The following FSTL5 variants were observed in gnomAD, a reference collection of about 807,000 sequenced individuals.
FSTL5 encodes the protein follistatin-related protein 5.
In FSTL5, 62 loss-of-function variants were observed where a neutral mutation model predicts 89.1. That is an observed-to-expected ratio of 0.70 (90% CI 0.57 to 0.86). The LOEUF is 0.86. FSTL5 is among the 40% of genes least tolerant of loss of function. The probability of loss-of-function intolerance (pLI) is 0.00; values close to 1 mark genes in which losing one functional copy is unlikely to be tolerated. For synonymous variants in FSTL5, 383 were observed against 346.2 expected (o/e 1.11, Z -1.18); for missense variants, 1,057 against 1,001.6 (o/e 1.06, Z -0.75).
At chr4:161,491,839 CAAA>C (rs11356806) in intron 12 of FSTL5, among the ~76,000 whole-genome samples, 20 of 122,768 alleles carry the variant, frequency 1.6e-4, no homozygotes, top group Admixed American at 3.1e-4. Flanking sequence ...GACTCTGTCT[CAAA>C]AAAAAAAAAA....
At chr4:161,807,720 C>T (rs1237599923) in intron 4 of FSTL5, among the ~76,000 whole-genome samples, 1 of 152,006 alleles carries the variant, frequency 6.6e-6, no homozygotes, top group African/African-American at 2.4e-5. Flanking sequence ...GCCCATAAGC[C>T]AAAGTTTACA....
At chr4:162,052,693 A>T (rs986671911) in intron 2 of FSTL5, among the ~76,000 whole-genome samples, 1 of 151,816 alleles carries the variant, frequency 6.6e-6, no homozygotes, top group African/African-American at 2.4e-5. Flanking sequence ...CCAAGAATAC[A>T]GTGCTGAGTG....
At chr4:161,643,468 G>A (rs553810794) in intron 7 of FSTL5, among the ~76,000 whole-genome samples, 14 of 137,864 alleles carry the variant, frequency 1.0e-4, no homozygotes, top group African/African-American at 2.7e-4. Context: ...TAAATGTAAC[G>A]GAGTTTTTTT....
At chr4:161,598,622 T>C (rs1734119904) in intron 7 of FSTL5, among the ~76,000 whole-genome samples, 1 of 152,166 alleles carries the variant, frequency 6.6e-6, no homozygotes, top group African/African-American at 2.4e-5. Context: ...CTCTCCCTTC[T>C]TTCTCTGTCC....
intron 4 of FSTL5, among the ~76,000 whole-genome samples, chr4:161,801,861 T>C (rs1040116488): frequency 2.0e-5 from 3 of 151,624 alleles, no homozygotes; most frequent in South Asian, 4.1e-4. Flanking sequence ...GTTGTGTCTC[T>C]ATTACTACTA....
intron 1 of FSTL5, among the ~76,000 whole-genome samples, chr4:162,116,728 G>T (rs1731657179): frequency 6.6e-6 from 1 of 152,176 alleles, no homozygotes; most frequent in Non-Finnish European, 1.5e-5. Context: ...ATGCAGGAAG[G>T]TGCAAGGGAA....
chr4:161,421,603 G>T (rs192719694), intron 15 of FSTL5, among the ~76,000 whole-genome samples: 1 of 152,282 alleles, frequency 6.6e-6, no homozygotes, highest in Non-Finnish European at 1.5e-5. Context: ...AGGATCCCCA[G>T]ATAGCTGATT....
intron 15 of FSTL5, among the ~76,000 whole-genome samples, chr4:161,413,978 A>G (rs1731687798): frequency 6.6e-6 from 1 of 152,198 alleles, no homozygotes; most frequent in African/African-American, 2.4e-5. Context: ...TGCTAGCTAC[A>G]GGTGACAGGA....
chr4:161,559,710 AATAT>A (rs1045021049), intron 8 of FSTL5, among the ~76,000 whole-genome samples: 1 of 151,880 alleles, frequency 6.6e-6, no homozygotes, highest in Admixed American at 6.6e-5. Context: ...AATTATGCAT[AATAT>A]ATATATCATA....
At chr4:161,650,213 C>T (rs1736289421) in intron 7 of FSTL5, among the ~76,000 whole-genome samples, 2 of 152,144 alleles carry the variant, frequency 1.3e-5, no homozygotes, top group Admixed American at 6.5e-5. Context: ...ATAAAATTCA[C>T]ATGATATCTT....
intron 3 of FSTL5, among the ~76,000 whole-genome samples, chr4:161,969,394 G>A (rs1314897330): frequency 3.9e-5 from 6 of 152,074 alleles, no homozygotes; most frequent in Non-Finnish European, 7.4e-5. Context: ...AGACAATATA[G>A]GCGAGAGCAG....
chr4:161,410,415 G>A (rs1187530157), intron 15 of FSTL5, among the ~76,000 whole-genome samples: 1 of 152,166 alleles, frequency 6.6e-6, no homozygotes, highest in Non-Finnish European at 1.5e-5. Flanking sequence ...AACAATCACA[G>A]AGTATACATT....
chr4:161,618,762 C>T (rs1578971831), intron 7 of FSTL5, among the ~76,000 whole-genome samples: 2 of 152,098 alleles, frequency 1.3e-5, no homozygotes, highest in Admixed American at 1.3e-4. Flanking sequence ...CAATGTTCAT[C>T]AAGGATATTG....
intron 2 of FSTL5, among the ~76,000 whole-genome samples, chr4:162,075,764 T>C (rs1016134078): frequency 1.3e-5 from 2 of 151,860 alleles, no homozygotes; most frequent in African/African-American, 4.8e-5. Context: ...GACACCCATA[T>C]AGATGCTGCA....
intron 2 of FSTL5, among the ~76,000 whole-genome samples, chr4:162,040,079 G>A (rs905346171): frequency 1.3e-5 from 2 of 151,916 alleles, no homozygotes; most frequent in Non-Finnish European, 2.9e-5. Context: ...ACTAATTTTA[G>A]CAGGCTGACT....
chr4:161,424,387 A>G (rs1277986379), intron 15 of FSTL5, among the ~76,000 whole-genome samples: 3 of 151,796 alleles, frequency 2.0e-5, no homozygotes, highest in African/African-American at 2.4e-5. Context: ...GTTAAATGAT[A>G]TAATGTTTTT....
At chr4:161,855,422 A>T (rs1427814263) in intron 4 of FSTL5, among the ~76,000 whole-genome samples, 2 of 152,118 alleles carry the variant, frequency 1.3e-5, no homozygotes, top group African/African-American at 4.8e-5. Flanking sequence ...ATATAATGTC[A>T]GTGTTCTTGT....
intron 3 of FSTL5, among the ~76,000 whole-genome samples, chr4:161,981,804 T>C (rs943492927): frequency 6.6e-6 from 1 of 152,224 alleles, no homozygotes; most frequent in Admixed American, 6.5e-5. Context: ...CCAGCGTATG[T>C]ATTGTAAATA....
At chr4:161,982,078 T>C (rs759262528) in intron 3 of FSTL5, among the ~76,000 whole-genome samples, 31 of 152,304 alleles carry the variant, frequency 2.0e-4, no homozygotes, top group Admixed American at 4.6e-4. Flanking sequence ...CTGGCTCCAG[T>C]GGGTCCTAAA....
Sources: allele counts gnomAD v4.1 joint callset (sites outside exome capture counted in the v4.1 genomes callset), GRCh38; gene constraint gnomAD v4.1.1; transcripts MANE v1.5; gene names NCBI Gene and HGNC (gene_info 2026-07-23, HGNC 2026-07-21).